The following KIF6 variants were observed in gnomAD, a reference collection of about 807,000 sequenced individuals.
KIF6 encodes kinesin-like protein KIF6.
Under a neutral mutation model 112.7 loss-of-function variants are expected in KIF6, and 106 were observed. The observed-to-expected ratio is 0.94, with a 90% CI of 0.80 to 1.11. The LOEUF is 1.11. KIF6 is among the 50% of genes least tolerant of loss of function. KIF6 has a pLI of 0.00. For missense variants in KIF6, 929 were observed against 964.0 expected, an observed-to-expected ratio of 0.96 and a Z score of 0.48; for synonymous variants, 339 against 339.9, an observed-to-expected ratio of 1.00 and a Z score of 0.03.
chr6:39,384,586 T>A (rs1206305218), intron 16 of KIF6, among the ~76,000 whole-genome samples: 1 of 152,198 alleles, frequency 6.6e-6, no homozygotes, highest in Non-Finnish European at 1.5e-5. Context: ...TCATCATTAT[T>A]ACTACTGAAA....
intron 10 of KIF6, among the ~76,000 whole-genome samples, chr6:39,560,161 A>G (rs1779936959): frequency 6.6e-6 from 1 of 152,226 alleles, no homozygotes; most frequent in Non-Finnish European, 1.5e-5. Flanking sequence ...AAAGGCCTCA[A>G]CAACTGCTCT....
chr6:39,380,676 A>G (rs945948078), intron 16 of KIF6, among the ~76,000 whole-genome samples: 5 of 151,706 alleles, frequency 3.3e-5, no homozygotes, highest in Admixed American at 1.3e-4. Context: ...AATACTTGCC[A>G]ATTTCCTTGG....
At chr6:39,435,418 T>C (rs1771452856) in intron 13 of KIF6, among the ~76,000 whole-genome samples, 1 of 152,128 alleles carries the variant, frequency 6.6e-6, no homozygotes, top group Non-Finnish European at 1.5e-5. Flanking sequence ...GTACAAGTGG[T>C]TTTTGGTTAC....
rs1382944848 is a variant in KIF6, at chr6:39,501,349, T to C, written c.1645+38654A>G. ...GGTCAGCAACCTCAAAGACTGAAGGTAGATAAGCCCACAAAGATAAGAAAG... is the reference window on the plus strand; with the variant it reads ...GGTCAGCAACCTCAAAGACTGAAGGCAGATAAGCCCACAAAGATAAGAAAG... On this transcript the variant is annotated intron_variant, in intron 13 of 22. Transcript: ENST00000287152. Among the ~76,000 whole-genome samples, 6 of 152,068 alleles carry C rather than the reference T, an allele frequency of 3.9e-5. No individual in the cohort carries two copies. The East Asian group carries it at 7.7e-4, about 20-fold the overall frequency.
At chr6:39,599,465 G>A (rs1258055154) in intron 6 of KIF6, among the ~76,000 whole-genome samples, 1 of 152,190 alleles carries the variant, frequency 6.6e-6, no homozygotes, top group Non-Finnish European at 1.5e-5. Flanking sequence ...CATAGTTTTG[G>A]TGATGATGAT....
chr6:39,634,925 A>G lies in KIF6; in HGVS notation c.433T>C (p.Tyr145His). ...SSKIYTTHIS[Y>H]LEIYNECGYD... ...CCACATTCATTGTAGATTTCCAAAT[A>G]GGAAATGTGTGTTGTATATATTTTG... Residue 145 changes from tyrosine to histidine, a missense_variant, in exon 5 of 23, where the codon TAT (tyrosine) becomes CAT (histidine). Transcript: ENST00000287152. 1 of 1,609,694 alleles carries G rather than the reference A, an allele frequency of 6.2e-7. No homozygotes were observed. Among genetic ancestry groups the G allele is most frequent in the Non-Finnish European group, 8.5e-7 (1 of 1,176,220 alleles).
intron 13 of KIF6, among the ~76,000 whole-genome samples, chr6:39,505,339 A>C (rs757979895): frequency 6.6e-6 from 1 of 152,238 alleles, no homozygotes; most frequent in Non-Finnish European, 1.5e-5. Context: ...CACCACATAC[A>C]AAAATCAACT....
intron 10 of KIF6, among the ~76,000 whole-genome samples, chr6:39,548,303 T>G (rs1203069035): frequency 6.6e-6 from 1 of 152,218 alleles, no homozygotes; most frequent in African/African-American, 2.4e-5. Flanking sequence ...TCACGTGCAC[T>G]GGGCTTTGGT....
At chr6:39,428,010 G>C (rs1335215471) in intron 14 of KIF6, among the ~76,000 whole-genome samples, 2 of 152,200 alleles carry the variant, frequency 1.3e-5, no homozygotes, top group Non-Finnish European at 2.9e-5. Context: ...TTGAGCATGT[G>C]TAAGAATCAC....
intron 3 of KIF6, among the ~76,000 whole-genome samples, chr6:39,688,030 T>C (rs1008699382): frequency 3.9e-5 from 6 of 152,232 alleles, no homozygotes; most frequent in Non-Finnish European, 8.8e-5. Context: ...TTAACCCCCG[T>C]AGGCCTGAAA....
At chr6:39,680,802 C>T (rs1341902577) in intron 3 of KIF6, among the ~76,000 whole-genome samples, 1 of 152,130 alleles carries the variant, frequency 6.6e-6, no homozygotes, top group African/African-American at 2.4e-5. Flanking sequence ...GCTACCATTC[C>T]ATAAACATGT....
rs1267399923 is a variant in KIF6 at position 39,343,476 on chromosome 6, G to A, written c.2428+233C>T. 2 of 1,479,688 alleles carry A rather than the reference G, an allele frequency of 1.4e-6. No individual in the cohort carries two copies. Among genetic ancestry groups the A allele is most frequent in the Admixed American group, 4.1e-5 (2 of 49,114 alleles). 91.7% of individuals were successfully genotyped at this position (1,479,688 alleles called of 1,614,324 possible). A position where few individuals can be genotyped will look rare whatever the true frequency, so the allele number is the denominator to read the frequency against. On this transcript the variant is annotated intron_variant, in intron 22 of 22. Transcript: ENST00000287152. This position sits in a 1 kb window ranked among gnomAD's most constrained non-coding sequence, Gnocchi z 4.1. Reference sequence around the variant, plus strand: ...GAGCAAGCTCTGCCAAGAGGGACAGGAGCACCTGGGCCGCCCACCCACTTG... The same window carrying A: ...GAGCAAGCTCTGCCAAGAGGGACAGAAGCACCTGGGCCGCCCACCCACTTG...
rs1270859187 is a variant in KIF6 at position 39,456,404 on chromosome 6, C to T, written c.1646-25243G>A. 5.2e-3 allele frequency among the ~76,000 whole-genome samples: 395 copies of T among 76,144 alleles called. 1 individual carries two copies. Among genetic ancestry groups the T allele is most frequent in the Middle Eastern group, 0.037 (6 of 160 alleles). 50.0% of individuals were successfully genotyped at this position (76,144 alleles called of 152,430 possible). A position where few individuals can be genotyped will look rare whatever the true frequency, so the allele number is the denominator to read the frequency against. On this transcript the variant is annotated intron_variant, in intron 13 of 22. Coordinates refer to ENST00000287152, the MANE Select transcript of KIF6 (RefSeq NM_145027.6). ...ATGGAAAGGAACAACCGGTACCAGC[C>T]GCTGCAAAATCATGCCAAAATGTAA...
At chr6:39,573,126 T>C (rs142025013) in intron 10 of KIF6, among the ~76,000 whole-genome samples, 282 of 151,960 alleles carry the variant, frequency 1.9e-3, no homozygotes, top group African/African-American at 6.3e-3. Flanking sequence ...GACAGAGAAG[T>C]AGAAGAGGAT....
chr6:39,591,453 T>C (rs1181461634), intron 7 of KIF6, among the ~76,000 whole-genome samples: 1 of 152,206 alleles, frequency 6.6e-6, no homozygotes, highest in African/African-American at 2.4e-5. Flanking sequence ...CTCACAAAAA[T>C]GTTTTAAAGA....
At chr6:39,448,605 C>T (rs996731025) in intron 13 of KIF6, among the ~76,000 whole-genome samples, 2 of 152,164 alleles carry the variant, frequency 1.3e-5, no homozygotes, top group Non-Finnish European at 2.9e-5. Flanking sequence ...GCACTTCCTT[C>T]CCTGGCTTTC....
chr6:39,583,264 C>A, intron 9 of KIF6: 1 of 351,768 alleles, frequency 2.8e-6, no homozygotes, highest in Non-Finnish European at 6.0e-6. Flanking sequence ...TCATTCAGCA[C>A]TGTAATGCTA....
At chr6:39,373,431 GTC>G (rs1219815612) in intron 16 of KIF6, among the ~76,000 whole-genome samples, 1 of 152,196 alleles carries the variant, frequency 6.6e-6, no homozygotes, top group Non-Finnish European at 1.5e-5. Context: ...GTCTGAAATT[GTC>G]TCTGTTTGCT....
chr6:39,533,809 C>A (rs916477067), intron 13 of KIF6, among the ~76,000 whole-genome samples: 4 of 152,216 alleles, frequency 2.6e-5, no homozygotes, highest in Non-Finnish European at 4.4e-5. Flanking sequence ...GGGAGGCACC[C>A]CCCAATAGGG....
Sources: allele counts gnomAD v4.1 joint callset (sites outside exome capture counted in the v4.1 genomes callset), GRCh38; gene constraint gnomAD v4.1.1; non-coding constraint Gnocchi (gnomAD v3.1); transcripts MANE v1.5; gene names NCBI Gene and HGNC (gene_info 2026-07-23, HGNC 2026-07-21).